BBS9: variants seen among roughly 807,000 people sequenced by gnomAD.
BBS9 encodes the protein Bardet-Biedl syndrome 9.
Under a neutral mutation model 117.7 loss-of-function variants are expected in BBS9, and 89 were observed. The ratio of observed to expected loss-of-function variants is 0.76; its 90% CI spans 0.64 to 0.90. BBS9 has a LOEUF of 0.90. Ranked by LOEUF, BBS9 falls within the 40% of genes least tolerant of loss-of-function variation. The probability of loss-of-function intolerance (pLI) is 0.00; values close to 1 mark genes in which losing one functional copy is unlikely to be tolerated. For synonymous variants in BBS9, 379 were observed against 370.9 expected (o/e 1.02, Z -0.25); for missense variants, 982 against 1,042.2 (o/e 0.94, Z 0.80).
chr7:33,553,461 TG>T (rs1854782462), intron 21 of BBS9, among the ~76,000 whole-genome samples: 1 of 152,210 alleles, frequency 6.6e-6, no homozygotes, highest in Non-Finnish European at 1.5e-5. Context: ...ATATATTTTC[TG>T]CTGTCTCCCT....
intron 19 of BBS9, among the ~76,000 whole-genome samples, chr7:33,499,641 C>T (rs1391640161): frequency 6.6e-6 from 1 of 152,166 alleles, no homozygotes; most frequent in African/African-American, 2.4e-5. Flanking sequence ...AAGGTTAATG[C>T]AGGCAGTGCT....
chr7:33,273,905 G>A lies in BBS9; in HGVS notation c.965G>A (p.Trp322Ter), dbSNP rs1316205248. ...ATTTATCAAGATGTGACACTGAAGTGGGCCACCCAACTTCCCCACATTCCT... is the reference window on the plus strand; with the variant it reads ...ATTTATCAAGATGTGACACTGAAGTAGGCCACCCAACTTCCCCACATTCCT... ...LHIYQDVTLKWATQLPHIPVA... is the reference protein window; with the variant it reads ...LHIYQDVTLK Residue 322 changes from tryptophan to a stop codon, truncating the protein, a stop_gained, in exon 9 of 23, where the codon TGG becomes TAG. Transcript: ENST00000242067. LOFTEE classifies it high-confidence loss of function. 6.2e-7 allele frequency: 1 copy of A among 1,613,074 alleles called. No homozygotes were observed. Among genetic ancestry groups the A allele is most frequent in the Non-Finnish European group, 8.5e-7 (1 of 1,179,224 alleles).
At position 33,367,772 on chromosome 7, in the gene BBS9, G is replaced by T. The variant is rs200439561; in HGVS notation, c.1699G>T (p.Ala567Ser). The T allele has an allele frequency of 2.5e-6, 4 of 1,613,716 alleles. No individual in the cohort carries two copies. Among genetic ancestry groups the T allele is most frequent in the Non-Finnish European group, 3.4e-6 (4 of 1,179,752 alleles). Residue 567 changes from alanine to serine, a missense_variant, in exon 17 of 23, where the codon GCC becomes TCC. Coordinates refer to ENST00000242067, the MANE Select transcript of BBS9 (RefSeq NM_198428.3). ...VSLLSLFPGF[A>S]SQSDDDQVNV... ...TTTCTCTCTTTTCTTTGTAGGTTTT[G>T]CCAGTCAGTCAGATGATGATCAGGT...
At chr7:33,370,995 A>G (rs1822756163) in intron 17 of BBS9, among the ~76,000 whole-genome samples, 1 of 152,236 alleles carries the variant, frequency 6.6e-6, no homozygotes, top group Admixed American at 6.5e-5. Flanking sequence ...GGTAGAAATA[A>G]GATTAATACT....
At chr7:33,604,652 A>G (rs2129207259) in intron 21 of BBS9, among the ~76,000 whole-genome samples, 1 of 152,310 alleles carries the variant, frequency 6.6e-6, no homozygotes, top group East Asian at 1.9e-4. Context: ...CCAAGTCATA[A>G]TCAGTATAAT....
At chr7:33,610,971 C>A (rs908505542), downstream of BBS9, among the ~76,000 whole-genome samples, 11 of 152,034 alleles carry the variant, frequency 7.2e-5, no homozygotes, top group African/African-American at 2.7e-4. Flanking sequence ...CATGAATTGT[C>A]CCAAAAGGGA....
chr7:33,374,373 A>G (rs1023200668), intron 17 of BBS9, among the ~76,000 whole-genome samples: 1 of 152,188 alleles, frequency 6.6e-6, no homozygotes, highest in African/African-American at 2.4e-5. Context: ...GACAAGTATA[A>G]TAACCAAATC....
intron 4 of BBS9, among the ~76,000 whole-genome samples, chr7:33,169,637 C>G (rs1381283838): frequency 6.7e-6 from 1 of 150,226 alleles, no homozygotes; most frequent in African/African-American, 2.4e-5. Flanking sequence ...TCATGTCCTT[C>G]GCCCACTTTT....
At chr7:33,570,323 C>T (rs1237771816) in intron 21 of BBS9, among the ~76,000 whole-genome samples, 1 of 152,122 alleles carries the variant, frequency 6.6e-6, no homozygotes. Flanking sequence ...GAGCTTCCAA[C>T]AGCCAAAGCT....
At chr7:33,405,869 T>A (rs1563129644) in intron 19 of BBS9, among the ~76,000 whole-genome samples, 1 of 152,210 alleles carries the variant, frequency 6.6e-6, no homozygotes. Flanking sequence ...ATTTTAGTTA[T>A]TTCTTGCCTT....
chr7:33,244,688 T>C (rs1795065530), intron 5 of BBS9, among the ~76,000 whole-genome samples: 1 of 152,300 alleles, frequency 6.6e-6, no homozygotes, highest in Middle Eastern at 3.4e-3. Flanking sequence ...CATTGCGGTA[T>C]AGAGGTTATA....
intron 19 of BBS9, among the ~76,000 whole-genome samples, chr7:33,460,845 A>G (rs531414648): frequency 1.3e-5 from 2 of 152,136 alleles, no homozygotes; most frequent in Admixed American, 1.3e-4. Flanking sequence ...AACCATTTCC[A>G]TCACTCCAAA....
At chr7:33,385,445 A>C (rs1825838711) in intron 18 of BBS9, among the ~76,000 whole-genome samples, 1 of 152,168 alleles carries the variant, frequency 6.6e-6, no homozygotes. Context: ...TGAAGGCAGA[A>C]ATTTTTGTCT....
At chr7:33,489,033 C>A (rs1843522286) in intron 19 of BBS9, among the ~76,000 whole-genome samples, 2 of 146,294 alleles carry the variant, frequency 1.4e-5, no homozygotes, top group South Asian at 4.4e-4. Flanking sequence ...CACTCTGTCA[C>A]CCAGGCTGGA....
Position 33,290,250 on chromosome 7 carries a change from A to G in BBS9, c.1016+16294A>G, listed in dbSNP as rs372452594. 5.9e-5 allele frequency among the ~76,000 whole-genome samples: 9 copies of G among 152,236 alleles called. No homozygotes were observed. In the East Asian group the frequency reaches 1.7e-3, roughly 29 times the overall value. ...GTTAGATAAAGACCTCCACTTTCCA[A>G]AACCTTAGCAACGTGCATGCCATGT... On this transcript the variant is annotated intron_variant, in intron 9 of 22. Coordinates refer to ENST00000242067, the MANE Select transcript of BBS9 (RefSeq NM_198428.3).
intron 19 of BBS9, among the ~76,000 whole-genome samples, chr7:33,418,693 T>C (rs1832395600): frequency 6.6e-6 from 1 of 152,200 alleles, no homozygotes; most frequent in African/African-American, 2.4e-5. Flanking sequence ...GTAGCCACCT[T>C]GCTGGTTGAC....
intron 20 of BBS9, among the ~76,000 whole-genome samples, chr7:33,532,234 T>C (rs1488132191): frequency 6.6e-6 from 1 of 152,190 alleles, no homozygotes; most frequent in Non-Finnish European, 1.5e-5. Flanking sequence ...GCGACGGCCA[T>C]GTGCAGAGGC....
At chr7:33,633,514 T>C (rs73095251) in intron 21 of BBS9, among the ~76,000 whole-genome samples, 3,516 of 73,488 alleles carry the variant, frequency 0.048, 114 homozygotes, top group African/African-American at 0.16. Flanking sequence ...TTTTTTCTTT[T>C]TTTTTTTTTT....
intron 4 of BBS9, among the ~76,000 whole-genome samples, chr7:33,167,101 A>T (rs1209965683): frequency 6.6e-6 from 1 of 152,176 alleles, no homozygotes; most frequent in Non-Finnish European, 1.5e-5. Flanking sequence ...AGCTTTAAGG[A>T]CTCAGGAAGC....
Sources: allele counts gnomAD v4.1 joint callset (sites outside exome capture counted in the v4.1 genomes callset), GRCh38; gene constraint gnomAD v4.1.1; transcripts MANE v1.5; gene names NCBI Gene and HGNC (gene_info 2026-07-23, HGNC 2026-07-21).